The following EYA2 variants were observed in gnomAD, a reference collection of about 807,000 sequenced individuals.
EYA2 encodes protein phosphatase EYA2.
In EYA2, 31 loss-of-function variants were observed where a neutral mutation model predicts 69.2. That is an observed-to-expected ratio of 0.45 (90% CI 0.34 to 0.60). The LOEUF is 0.60. Ranked by LOEUF, EYA2 falls within the 20% of genes least tolerant of loss-of-function variation. EYA2 has a pLI of 0.02. For missense variants in EYA2, 622 were observed against 701.2 expected (o/e 0.89, Z 1.28); for synonymous variants, 257 against 279.4 (o/e 0.92, Z 0.80).
intron 9 of EYA2, among the ~76,000 whole-genome samples, chr20:47,140,585 G>T (rs2033573931): frequency 6.6e-6 from 1 of 152,166 alleles, no homozygotes; most frequent in Non-Finnish European, 1.5e-5. Flanking sequence ...TCCCAACTCA[G>T]CCCCTTTGAG....
chr20:47,001,390 T>C, intron 2 of EYA2, 38 bp from the exon 3 acceptor site: 1 of 1,599,172 alleles, frequency 6.3e-7, no homozygotes, highest in Non-Finnish European at 8.6e-7. Context: ...ATCACCCTAA[T>C]CGCTAAAACT....
chr20:47,039,201 C>T (rs551257999), intron 5 of EYA2, among the ~76,000 whole-genome samples: 1 of 152,168 alleles, frequency 6.6e-6, no homozygotes, highest in South Asian at 2.1e-4. Context: ...TAACTAAAAC[C>T]CTCAGGCCAA....
chr20:46,936,962 G>A (rs1300738024), intron 1 of EYA2, among the ~76,000 whole-genome samples: 1 of 152,206 alleles, frequency 6.6e-6, no homozygotes, highest in Non-Finnish European at 1.5e-5. Context: ...GTTTGGAAAG[G>A]TCAGCTCGGG....
intron 5 of EYA2, among the ~76,000 whole-genome samples, chr20:47,022,430 C>G (rs1262047527): frequency 6.6e-6 from 1 of 152,156 alleles, no homozygotes; most frequent in Non-Finnish European, 1.5e-5. Flanking sequence ...TCTCTAGCCT[C>G]AGTCTCCCAA....
intron 10 of EYA2, among the ~76,000 whole-genome samples, chr20:47,163,452 A>G (rs374690479): frequency 6.6e-6 from 1 of 152,066 alleles, no homozygotes; most frequent in East Asian, 1.9e-4. Context: ...TAATCCCCGC[A>G]CTTTGGGAGT....
rs112550724 is a variant in EYA2 at position 46,915,246 on chromosome 20, G to A, written c.-11+20259G>A. Reference sequence around the variant, plus strand: ...TTTTCCTGATGAAATTCCTGACTTGGTGTGTTGTGTTTTTTTAAAAAACAC... The same window carrying A: ...TTTTCCTGATGAAATTCCTGACTTGATGTGTTGTGTTTTTTTAAAAAACAC... On this transcript the variant is annotated intron_variant, in intron 1 of 15. Coordinates refer to ENST00000327619, the MANE Select transcript of EYA2 (RefSeq NM_005244.5). 5.2e-3 allele frequency among the ~76,000 whole-genome samples: 797 copies of A among 152,296 alleles called. 6 individuals are homozygous for A. Among genetic ancestry groups the A allele is most frequent in the African/African-American group, 0.018 (762 of 41,550 alleles).
intron 1 of EYA2, among the ~76,000 whole-genome samples, chr20:46,942,503 T>C (rs906533493): frequency 5.3e-5 from 8 of 152,190 alleles, no homozygotes; most frequent in African/African-American, 1.9e-4. Context: ...TTTTGTGTAG[T>C]TGTGTAGTGT....
Position 47,008,251 on chromosome 20 carries a change from C to G in EYA2, c.298+3167C>G, listed in dbSNP as rs139160257. 3.4e-3 allele frequency among the ~76,000 whole-genome samples: 519 copies of G among 152,320 alleles called. 3 individuals are homozygous for G. The highest frequency in any genetic ancestry group is 0.012 in the African/African-American group (498 of 41,560). On this transcript the variant is annotated intron_variant, in intron 4 of 15. Transcript: ENST00000327619. ...ACGAGGAAGGTCATCTCATTATCCT[C>G]CCTTGAGCGATAAAGAAACAGAGAC...
At chr20:47,118,306 T>C (rs2032958204) in intron 9 of EYA2, among the ~76,000 whole-genome samples, 1 of 152,254 alleles carries the variant, frequency 6.6e-6, no homozygotes, top group South Asian at 2.1e-4. Flanking sequence ...AAAGGATGAC[T>C]TTGATTGGGC....
chr20:47,036,942 CT>C (rs1389313721), intron 5 of EYA2, among the ~76,000 whole-genome samples: 11 of 152,166 alleles, frequency 7.2e-5, no homozygotes, highest in African/African-American at 2.7e-4. Flanking sequence ...TGTTTTCACA[CT>C]GCTATAAATA....
chr20:47,051,918 G>A (rs997826073), intron 5 of EYA2, among the ~76,000 whole-genome samples: 2 of 152,224 alleles, frequency 1.3e-5, no homozygotes, highest in Non-Finnish European at 2.9e-5. Flanking sequence ...CCGGCACAGA[G>A]CAGATGCCCA....
Position 47,175,663 on chromosome 20 carries a change from C to T in EYA2, c.1198+2796C>T, listed in dbSNP as rs560099833. On this transcript the variant is annotated intron_variant, in intron 12 of 15. Transcript: ENST00000327619. ...GAAGGAGGCCAAGCCTGGAGGAAAA[C>T]GCCGAGGAAACAGCTTGAAGCACAC... Among the ~76,000 whole-genome samples, 31 of 152,276 alleles carry T rather than the reference C, an allele frequency of 2.0e-4. No homozygotes were observed. The South Asian group carries it at 6.4e-3, about 32-fold the overall frequency.
chr20:47,009,869 T>G (rs1982951782), intron 4 of EYA2, among the ~76,000 whole-genome samples: 1 of 152,270 alleles, frequency 6.6e-6, no homozygotes, highest in African/African-American at 2.4e-5. Context: ...AAGCATGTTT[T>G]AAAACTTTAC....
At chr20:47,080,757 T>C (rs1053710207) in intron 7 of EYA2, among the ~76,000 whole-genome samples, 15 of 151,934 alleles carry the variant, frequency 9.9e-5, no homozygotes, top group African/African-American at 3.6e-4. Context: ...GCAAGTCACA[T>C]CTTACGTGGA....
intron 1 of EYA2, among the ~76,000 whole-genome samples, chr20:46,976,083 G>A (rs1210649585): frequency 2.6e-5 from 4 of 152,196 alleles, no homozygotes. Context: ...TATGTAAGCT[G>A]AGTGCGGCGG....
Position 47,180,050 on chromosome 20 carries a change from TG to T in EYA2, c.1313+139del, listed in dbSNP as rs1340172671. ...ACACTTTCCAAATATTTTTTTTTTT[TG>T]ATATGGAGTCTCACTCTGTCGCCCA... On this transcript the variant is annotated intron_variant, in intron 13 of 15. Coordinates refer to ENST00000327619, the MANE Select transcript of EYA2 (RefSeq NM_005244.5). The T allele has an allele frequency of 1.9e-4, 121 of 622,400 alleles. No homozygotes were observed. The African/African-American group carries it at 2.1e-3, about 11-fold the overall frequency. The allele number at this position is 622,400 out of a possible 1,614,324, so 38.6% of individuals were successfully genotyped here.
chr20:46,987,916 G>GTCAGTCTCTCTCTCTCTC (rs1555809756), intron 1 of EYA2, among the ~76,000 whole-genome samples: 1 of 20,352 alleles, frequency 4.9e-5, no homozygotes, highest in African/African-American at 1.7e-4. Flanking sequence ...GACAGAGTAA[G>GTCAGTCTCTCTCTCTCTC]TCTCTCTCTC....
chr20:47,030,699 A>G (rs781219253), intron 5 of EYA2, among the ~76,000 whole-genome samples: 6 of 152,136 alleles, frequency 3.9e-5, no homozygotes, highest in Non-Finnish European at 7.4e-5. Flanking sequence ...TTGCTTGTAT[A>G]TGCTCGCTCT....
intron 1 of EYA2, among the ~76,000 whole-genome samples, chr20:46,925,318 A>G (rs745979419): frequency 6.6e-6 from 1 of 152,250 alleles, no homozygotes; most frequent in South Asian, 2.1e-4. Flanking sequence ...CTAGGAAAGA[A>G]AAGATTCATG....
Sources: gnomAD v4.1 joint callset for allele counts (sites outside exome capture counted in the v4.1 genomes callset) on GRCh38, gnomAD v4.1.1 for gene constraint, MANE v1.5 for transcripts, NCBI Gene and HGNC (gene_info 2026-07-23, HGNC 2026-07-21) for gene names.